The following IDE variants were observed in gnomAD, a reference collection of about 807,000 sequenced individuals.
The protein encoded by IDE is insulin degrading enzyme.
IDE carries 58 observed loss-of-function variants against 133.2 expected under a neutral mutation model. That is an observed-to-expected ratio of 0.44 (90% CI 0.35 to 0.54). The LOEUF is 0.54. IDE is among the 20% of genes least tolerant of loss of function. The pLI is 0.00. For missense variants in IDE, 981 were observed against 1,234.0 expected, an observed-to-expected ratio of 0.79 and a Z score of 3.07; for synonymous variants, 396 against 421.3, an observed-to-expected ratio of 0.94 and a Z score of 0.73.
chr10:92,493,873 A>T (rs752928084), intron 11 of IDE, among the ~76,000 whole-genome samples: 2 of 152,206 alleles, frequency 1.3e-5, no homozygotes, highest in African/African-American at 4.8e-5. Context: ...AAGTAACGGT[A>T]CAGACAGAGT....
At position 92,456,357 on chromosome 10, in the gene IDE, AC is replaced by A; in HGVS notation, c.2896+1del. ...CCTAAAAAGGCAACATTTGATACTT[AC>A]AAGAATCCATTTCCCTGGCAAGAAC... On this transcript the variant is annotated splice_donor_variant, in intron 23 of 24. Coordinates refer to ENST00000265986, the MANE Select transcript of IDE (RefSeq NM_004969.4). LOFTEE classifies it high-confidence loss of function. 1 of 1,609,870 alleles carries A rather than the reference AC, an allele frequency of 6.2e-7. No individual in the cohort carries two copies. The highest frequency in any genetic ancestry group is 8.5e-7 in the Non-Finnish European group (1 of 1,176,062).
At chr10:92,504,723 T>C in intron 11 of IDE, 71 bp downstream of exon 11, 3 of 798,860 alleles carry the variant, frequency 3.8e-6, no homozygotes, top group Admixed American at 2.3e-5. Flanking sequence ...ATTCACAATT[T>C]CAAATTTTTT....
chr10:92,454,700 G>C (rs1453122201), intron 24 of IDE, among the ~76,000 whole-genome samples, 161 bp from the exon 25 acceptor site: 1 of 152,160 alleles, frequency 6.6e-6, no homozygotes, highest in Non-Finnish European at 1.5e-5. Flanking sequence ...CATGTATCTT[G>C]ATCTGCTGAC....
At chr10:92,483,078 C>A (rs1846717141) in intron 14 of IDE, among the ~76,000 whole-genome samples, 177 bp downstream of exon 14, 1 of 152,236 alleles carries the variant, frequency 6.6e-6, no homozygotes, top group Non-Finnish European at 1.5e-5. Flanking sequence ...CCGTGCCCGG[C>A]CAACCTCTCC....
At chr10:92,529,263 C>A (rs1247107501) in intron 4 of IDE, among the ~76,000 whole-genome samples, 1 of 152,154 alleles carries the variant, frequency 6.6e-6, no homozygotes, top group Non-Finnish European at 1.5e-5. Context: ...TAAGGGCATA[C>A]AACTGTCATC....
At chr10:92,550,839 C>T (rs1842747455) in intron 1 of IDE, among the ~76,000 whole-genome samples, 2 of 152,038 alleles carry the variant, frequency 1.3e-5, no homozygotes, top group Non-Finnish European at 2.9e-5. Flanking sequence ...CATTGCACTC[C>T]AGCCTGGCAA....
chr10:92,470,379 C>T, intron 17 of IDE, 34 bp from the exon 18 acceptor site: 1 of 1,363,644 alleles, frequency 7.3e-7, no homozygotes, highest in Non-Finnish European at 1.0e-6. Context: ...GTGAGCGCTA[C>T]CTATGAGGGA....
intron 9 of IDE, among the ~76,000 whole-genome samples, chr10:92,507,108 CAAAA>C (rs11296200): frequency 6.8e-6 from 1 of 147,396 alleles, no homozygotes; most frequent in Admixed American, 6.8e-5. Flanking sequence ...TTGTTTTACG[CAAAA>C]AAAAAAGCCA....
chr10:92,459,482 G>T (rs79806591), intron 22 of IDE, among the ~76,000 whole-genome samples: 4 of 152,120 alleles, frequency 2.6e-5, no homozygotes, highest in African/African-American at 9.7e-5. Flanking sequence ...AAAAGGATGT[G>T]GGCACAGGGC....
chr10:92,530,052 C>A (rs1483745421), intron 4 of IDE, among the ~76,000 whole-genome samples: 1 of 151,870 alleles, frequency 6.6e-6, no homozygotes, highest in Non-Finnish European at 1.5e-5. Context: ...ATGGAGAAAC[C>A]CCGCCTCTAC....
intron 15 of IDE, among the ~76,000 whole-genome samples, 181 bp from the exon 16 acceptor site, chr10:92,476,175 C>CTT (rs869242486): frequency 6.3e-5 from 9 of 142,866 alleles, no homozygotes; most frequent in Non-Finnish European, 7.7e-5. Flanking sequence ...CATTAACCAT[C>CTT]TTTTTTTTTT....
chr10:92,531,119 C>T (rs146947579), intron 4 of IDE, among the ~76,000 whole-genome samples: 7 of 152,210 alleles, frequency 4.6e-5, no homozygotes, highest in African/African-American at 7.2e-5. Flanking sequence ...TGTGTTTCTG[C>T]TTTTATTTTT....
At position 92,507,588 on chromosome 10, in the gene IDE, A is replaced by G; in HGVS notation, c.1232T>C (p.Phe411Ser). Reference sequence around the variant, plus strand: ...AAACAAAAGTACCTTGCACTCTTGGAAAACCCATTCTTGAGGTCCTTCTGC... The same window carrying G: ...AAACAAAAGTACCTTGCACTCTTGGGAAACCCATTCTTGAGGTCCTTCTGC... ...LRAEGPQEWV[F>S]QECKDLNAVA... Residue 411 changes from phenylalanine (F) to serine (S), a missense_variant, in exon 9 of 25, where the codon TTC (phenylalanine) becomes TCC (serine). This residue lies in a region of IDE where 660 missense variants were observed against 894.7 expected (regional missense o/e 0.74). Coordinates refer to ENST00000265986, the MANE Select transcript of IDE (RefSeq NM_004969.4). The G allele has an allele frequency of 6.3e-7, 1 of 1,599,872 alleles. No homozygotes were observed.
intron 1 of IDE, among the ~76,000 whole-genome samples, chr10:92,540,873 CA>C (rs753022711): frequency 9.7e-4 from 147 of 151,444 alleles, no homozygotes; most frequent in African/African-American, 3.1e-3. Flanking sequence ...TTTTTTTAGA[CA>C]AAAAAAATTT....
chr10:92,560,027 A>G (rs1407798959), intron 1 of IDE, among the ~76,000 whole-genome samples: 1 of 152,106 alleles, frequency 6.6e-6, no homozygotes, highest in Non-Finnish European at 1.5e-5. Context: ...TAAAAACTCA[A>G]TTGTTTAAGG....
chr10:92,484,756 AAAAG>A lies in IDE; in HGVS notation c.1657-1423_1657-1420del, dbSNP rs1428350500. Among the ~76,000 whole-genome samples the A allele has an allele frequency of 2.0e-5, 3 of 151,848 alleles. No individual in the cohort carries two copies. The East Asian group carries it at 5.8e-4, about 29-fold the overall frequency. On this transcript the variant is annotated intron_variant, in intron 13 of 24. Transcript: ENST00000265986. ...TCAAAAAAAAAAAGAAAGAAAGAAA[AAAAG>A]AAACTGTGTGTGAGAAACCAGGCAT...
chr10:92,510,860 CAT>C (rs944595224), intron 5 of IDE, among the ~76,000 whole-genome samples: 10 of 149,828 alleles, frequency 6.7e-5, no homozygotes, highest in Non-Finnish European at 1.5e-4. Flanking sequence ...ATATATATCA[CAT>C]ATATATCACA....
At chr10:92,536,383 CAAAA>C (rs58280739) in intron 2 of IDE, among the ~76,000 whole-genome samples, 1 of 54,846 alleles carries the variant, frequency 1.8e-5, no homozygotes, top group Non-Finnish European at 4.4e-5. Flanking sequence ...AACTCCGTCT[CAAAA>C]AAAAAAAAAA....
chr10:92,540,639 A>T (rs12416180), intron 1 of IDE, among the ~76,000 whole-genome samples: 15,589 of 152,240 alleles, frequency 0.1, 925 homozygotes, highest in South Asian at 0.17. Context: ...GTAACCAAAA[A>T]TTACAAATGA....
Sources: allele counts gnomAD v4.1 joint callset (sites outside exome capture counted in the v4.1 genomes callset), GRCh38; gene constraint gnomAD v4.1.1; regional missense constraint gnomAD v4.1.1; transcripts MANE v1.5; gene names NCBI Gene and HGNC (gene_info 2026-07-23, HGNC 2026-07-21).